COL23A1: variants seen among roughly 807,000 people sequenced by gnomAD.
The protein encoded by COL23A1 is collagen alpha-1(XXIII) chain.
Under a neutral mutation model 99.3 loss-of-function variants are expected in COL23A1, and 97 were observed. The ratio of observed to expected loss-of-function variants is 0.98; its 90% CI spans 0.83 to 1.16. COL23A1 has a LOEUF of 1.16. COL23A1 is among the 50% of genes most tolerant of loss of function. COL23A1 has a pLI of 0.00. For synonymous variants in COL23A1, 320 were observed against 308.2 expected (o/e 1.04, Z -0.40); for missense variants, 762 against 757.4 (o/e 1.01, Z -0.07).
intron 2 of COL23A1, among the ~76,000 whole-genome samples, chr5:178,416,616 G>A (rs1426167547): frequency 1.3e-5 from 2 of 152,218 alleles, no homozygotes; most frequent in South Asian, 2.1e-4. Context: ...TGTATGTGCT[G>A]AGTGCTTTGT....
intron 8 of COL23A1, among the ~76,000 whole-genome samples, chr5:178,266,739 C>T (rs1273949051): frequency 6.6e-6 from 1 of 152,214 alleles, no homozygotes; most frequent in Non-Finnish European, 1.5e-5. Flanking sequence ...CTCCTGCTCA[C>T]AGCTCAGGGC....
At chr5:178,559,974 A>G (rs1301477214) in intron 2 of COL23A1, among the ~76,000 whole-genome samples, 1 of 152,178 alleles carries the variant, frequency 6.6e-6, no homozygotes, top group Non-Finnish European at 1.5e-5. Flanking sequence ...ATCCACTGGT[A>G]TCAGACACCA....
chr5:178,257,578 G>A lies in COL23A1; in HGVS notation c.730-11C>T, dbSNP rs1443222046. 2 of 1,554,686 alleles carry A rather than the reference G, an allele frequency of 1.3e-6. No homozygotes were observed. The highest frequency in any genetic ancestry group is 1.7e-6 in the Non-Finnish European group (2 of 1,149,166). ...TGTCCCATCGTCGCCCTGAGGAGAG[G>A]ACACCTGGGGCTTGCCGGTCAGACC... On this transcript the variant is annotated splice_polypyrimidine_tract_variant and intron_variant, in intron 12 of 28. Coordinates refer to ENST00000390654, the MANE Select transcript of COL23A1 (RefSeq NM_173465.4).
chr5:178,250,130 GGGTTAT>G, intron 17 of COL23A1, 25 bp from the exon 18 acceptor site: 1 of 1,613,912 alleles, frequency 6.2e-7, no homozygotes, highest in Non-Finnish European at 8.5e-7. Context: ...ATGGCAAGAG[GGGTTAT>G]GCCTTCCTTT....
intron 2 of COL23A1, among the ~76,000 whole-genome samples, chr5:178,549,308 C>T (rs933663644): frequency 6.7e-6 from 1 of 149,998 alleles, no homozygotes; most frequent in Non-Finnish European, 1.5e-5. Context: ...ACAAATACTT[C>T]TTGAAAAAAA....
rs6895678 is a variant in COL23A1, at chr5:178,331,133, C to T, written c.362-24214G>A. On this transcript the variant is annotated intron_variant, in intron 2 of 28. Transcript: ENST00000390654. ...GCCCAGTACAAAAGGAGTGACTGGC[C>T]CCAAGTTGCAAGCTGGCAGAGGCAC... 5.5e-3 allele frequency among the ~76,000 whole-genome samples: 832 copies of T among 152,304 alleles called. 8 individuals carry two copies. The highest frequency in any genetic ancestry group is 0.019 in the African/African-American group (799 of 41,566).
intron 3 of COL23A1, among the ~76,000 whole-genome samples, chr5:178,291,257 G>C (rs938709082): frequency 1.2e-4 from 18 of 152,224 alleles, no homozygotes; most frequent in African/African-American, 3.9e-4. Context: ...CGGCCAGCAC[G>C]ATTTATACGT....
chr5:178,574,450 A>T (rs1763251241), intron 1 of COL23A1, among the ~76,000 whole-genome samples: 1 of 152,164 alleles, frequency 6.6e-6, no homozygotes, highest in African/African-American at 2.4e-5. Context: ...TGTGGAGGGA[A>T]ATTCTCAGTG....
intron 27 of COL23A1, 86 bp from the exon 28 acceptor site, chr5:178,239,265 G>A (rs1474962872): frequency 4.7e-6 from 7 of 1,495,830 alleles, no homozygotes; most frequent in African/African-American, 4.1e-5. Context: ...TCTGTAGGGA[G>A]GTGCAGGCCA....
intron 2 of COL23A1, among the ~76,000 whole-genome samples, chr5:178,474,094 C>T (rs1756906053): frequency 6.6e-6 from 1 of 152,186 alleles, no homozygotes; most frequent in South Asian, 2.1e-4. Flanking sequence ...AAACATTCTC[C>T]AGAGCAAGAG....
In COL23A1 at chr5:178,249,960, TCTAA is replaced by T. The variant is rs552478763; in HGVS notation, c.1059+97_1059+100del. The stretch of plus-strand genomic sequence containing the variant: ...TTGATTTTCTCACACATGGTGTTTC[TCTAA>T]CTCTGTGCACACATGCACACGCACA... On this transcript the variant is annotated intron_variant, in intron 18 of 28. Coordinates refer to ENST00000390654, the MANE Select transcript of COL23A1 (RefSeq NM_173465.4). 1,248 of 1,440,244 alleles carry T rather than the reference TCTAA, an allele frequency of 8.7e-4. 8 individuals are homozygous for T. The African/African-American group carries it at 0.016, about 18-fold the overall frequency. 89.2% of individuals were successfully genotyped at this position (1,440,244 alleles called of 1,614,324 possible). A position where few individuals can be genotyped will look rare whatever the true frequency, so the allele number is the denominator to read the frequency against.
chr5:178,342,480 C>T (rs531369044), intron 2 of COL23A1, among the ~76,000 whole-genome samples: 11 of 152,352 alleles, frequency 7.2e-5, no homozygotes, highest in African/African-American at 2.6e-4. Flanking sequence ...CCCCTTGATA[C>T]CTGCAGTTTC....
intron 2 of COL23A1, among the ~76,000 whole-genome samples, chr5:178,390,669 AC>A (rs1351158570): frequency 6.6e-6 from 1 of 152,232 alleles, no homozygotes; most frequent in East Asian, 1.9e-4. Context: ...GGGTGCCAAG[AC>A]CATTCCATGG....
intron 1 of COL23A1, chr5:178,562,062 T>G (rs1419961790): frequency 3.8e-6 from 2 of 532,268 alleles, no homozygotes; most frequent in Non-Finnish European, 3.6e-6. Context: ...TTCCTGCCGG[T>G]GGGTTCGTGG....
intron 2 of COL23A1, among the ~76,000 whole-genome samples, chr5:178,312,585 C>T (rs959347174): frequency 2.0e-5 from 3 of 150,852 alleles, no homozygotes; most frequent in African/African-American, 7.3e-5. Context: ...GCCCAGCCCT[C>T]CCGGCACCTC....
chr5:178,316,330 C>A (rs577316854), intron 2 of COL23A1, among the ~76,000 whole-genome samples: 1 of 152,148 alleles, frequency 6.6e-6, no homozygotes, highest in South Asian at 2.1e-4. Context: ...CTAGAGATTT[C>A]CAGAATGAAA....
At chr5:178,364,251 T>G (rs1451036411) in intron 2 of COL23A1, among the ~76,000 whole-genome samples, 2 of 152,166 alleles carry the variant, frequency 1.3e-5, no homozygotes. Flanking sequence ...AGAAGAAAGC[T>G]CCACACATGG....
intron 1 of COL23A1, among the ~76,000 whole-genome samples, chr5:178,563,934 G>GT (rs1251910761): frequency 1.3e-5 from 2 of 152,204 alleles, no homozygotes; most frequent in African/African-American, 4.8e-5. Context: ...GTCAACCTGT[G>GT]TAAGAAACTC....
rs143242322 is a variant in COL23A1, at chr5:178,545,660, G to C, written c.361+15022C>G. 1.2e-3 allele frequency among the ~76,000 whole-genome samples: 190 copies of C among 152,226 alleles called. 1 individual carries two copies. Among genetic ancestry groups the C allele is most frequent in the African/African-American group, 4.4e-3 (182 of 41,522 alleles). On this transcript the variant is annotated intron_variant, in intron 2 of 28. Coordinates refer to ENST00000390654, the MANE Select transcript of COL23A1 (RefSeq NM_173465.4). ...TGATTGAGCAGAAGGTCTGCTGAGGGATTCTGGCCCCAAGTGAACCGAGGG... is the reference window on the plus strand; with the variant it reads ...TGATTGAGCAGAAGGTCTGCTGAGGCATTCTGGCCCCAAGTGAACCGAGGG...
Sources: gnomAD v4.1 joint callset for allele counts (sites outside exome capture counted in the v4.1 genomes callset) on GRCh38, gnomAD v4.1.1 for gene constraint, MANE v1.5 for transcripts, NCBI Gene and HGNC (gene_info 2026-07-23, HGNC 2026-07-21) for gene names.